SYNE2: variants seen among roughly 807,000 people sequenced by gnomAD.
SYNE2 encodes the protein nesprin-2.
A neutral mutation model predicts 856.3 loss-of-function variants in SYNE2; 431 were observed. The ratio of observed to expected loss-of-function variants is 0.50; its 90% CI spans 0.47 to 0.55. SYNE2 has a LOEUF of 0.55. Among genes scored for constraint, SYNE2 ranks in the 20% least tolerant of loss-of-function variants. The probability of loss-of-function intolerance (pLI) is 0.00; values close to 1 mark genes in which losing one functional copy is unlikely to be tolerated. For missense variants in SYNE2, 8,129 were observed against 8,023.2 expected (o/e 1.01, Z -0.50); for synonymous variants, 2,923 against 2,872.3 (o/e 1.02, Z -0.56).
chr14:64,195,960 G>A (rs745621393), intron 99 of SYNE2, among the ~76,000 whole-genome samples: 2 of 152,130 alleles, frequency 1.3e-5, no homozygotes, highest in African/African-American at 2.4e-5. Context: ...GCTGTTCCCA[G>A]ACCCTGCAGA....
Position 63,941,877 on chromosome 14 carries a change from TTTCACA to T in SYNE2, c.238-7_238-2del. 1 of 1,613,486 alleles carries T rather than the reference TTTCACA, an allele frequency of 6.2e-7. No homozygotes were observed. Among genetic ancestry groups the T allele is most frequent in the Non-Finnish European group, 8.5e-7 (1 of 1,179,832 alleles). ...TTTCTGAGTAATATATTTGCTTGAA[TTTCACA>T]GCCTCGGGATAAAGGATCTAATACC... On this transcript the variant is annotated splice_acceptor_variant and splice_polypyrimidine_tract_variant and intron_variant, in intron 4 of 115. Coordinates refer to ENST00000555002, the MANE Select transcript of SYNE2 (RefSeq NM_182914.3). LOFTEE classifies it high-confidence loss of function.
chr14:63,967,149 C>T (rs1168307991), intron 10 of SYNE2, among the ~76,000 whole-genome samples: 5 of 152,202 alleles, frequency 3.3e-5, no homozygotes, highest in Non-Finnish European at 5.9e-5. Context: ...CAGGCATGAG[C>T]CACCGCGCCT....
At chr14:63,976,191 CAG>C (rs2096541524) in intron 11 of SYNE2, among the ~76,000 whole-genome samples, 1 of 152,152 alleles carries the variant, frequency 6.6e-6, no homozygotes, top group African/African-American at 2.4e-5. Flanking sequence ...GATGTAGTGT[CAG>C]AGCACACAAG....
chr14:64,045,260 C>T (rs2097177573), intron 45 of SYNE2, among the ~76,000 whole-genome samples: 1 of 152,164 alleles, frequency 6.6e-6, no homozygotes, highest in Non-Finnish European at 1.5e-5. Context: ...TTTCTGACTA[C>T]TAAAGGCAGT....
intron 1 of SYNE2, among the ~76,000 whole-genome samples, chr14:63,762,808 A>C (rs560964626): frequency 6.6e-6 from 1 of 152,112 alleles, no homozygotes; most frequent in Non-Finnish European, 1.5e-5. Context: ...CCTGCAACTT[A>C]CTTTCAAATG....
At chr14:63,842,296 C>T (rs1437459316) in intron 1 of SYNE2, among the ~76,000 whole-genome samples, 6 of 151,900 alleles carry the variant, frequency 3.9e-5, no homozygotes, top group Non-Finnish European at 8.8e-5. Flanking sequence ...CCCAGACTCA[C>T]GAGTAGCTGG....
At chr14:64,172,275 T>G (rs977786626) in intron 94 of SYNE2, among the ~76,000 whole-genome samples, 2 of 152,198 alleles carry the variant, frequency 1.3e-5, no homozygotes, top group African/African-American at 2.4e-5. Flanking sequence ...CTCGTCATTC[T>G]TGGGGTTGAC....
intron 60 of SYNE2, among the ~76,000 whole-genome samples, chr14:64,093,112 G>A (rs2097643236): frequency 6.6e-6 from 1 of 152,166 alleles, no homozygotes; most frequent in South Asian, 2.1e-4. Context: ...TGTGTCCAGT[G>A]AGACTTGTAC....
intron 63 of SYNE2, among the ~76,000 whole-genome samples, chr14:64,101,403 G>A (rs942230306): frequency 3.3e-5 from 5 of 151,998 alleles, no homozygotes; most frequent in East Asian, 1.9e-4. Flanking sequence ...TCTTATACTC[G>A]TGGCTGTAAT....
chr14:63,941,354 T>G (rs3818774), intron 3 of SYNE2, among the ~76,000 whole-genome samples: 1 of 152,168 alleles, frequency 6.6e-6, no homozygotes, highest in South Asian at 2.1e-4. Flanking sequence ...GGTAAATACA[T>G]AAGCAGGTTA....
At chr14:64,182,470 G>A (rs1316446035) in intron 96 of SYNE2, among the ~76,000 whole-genome samples, 1 of 152,056 alleles carries the variant, frequency 6.6e-6, no homozygotes, top group Non-Finnish European at 1.5e-5. Flanking sequence ...GACAATAGTG[G>A]AGGGAAGGTC....
chr14:63,968,972 C>A (rs2096436085), intron 11 of SYNE2, among the ~76,000 whole-genome samples: 1 of 152,184 alleles, frequency 6.6e-6, no homozygotes, highest in Admixed American at 6.5e-5. Flanking sequence ...TAACCATCTC[C>A]ATTTCCCCTT....
chr14:63,958,859 T>A (rs1333912810), intron 8 of SYNE2, among the ~76,000 whole-genome samples: 1 of 152,252 alleles, frequency 6.6e-6, no homozygotes, highest in Non-Finnish European at 1.5e-5. Context: ...CAATACTACT[T>A]CGTTTATTTT....
In SYNE2 at chr14:64,048,044, T is replaced by C. The variant is rs747796543; in HGVS notation, c.7266T>C (p.Asn2422=). The change falls in exon 46 of 116, where the codon AAT becomes AAC. Residue 2422 remains asparagine, a synonymous_variant. Transcript: ENST00000555002. ...CTATGTCAAAACAACTTTCTCTTAA[T>C]GCTCAAGAAAGCATGAAAAACACTG... ...EMAMSKQLSL[N]AQESMKNTED... 77 of 1,613,726 alleles carry C rather than the reference T, an allele frequency of 4.8e-5. No individual in the cohort carries two copies. The highest frequency in any genetic ancestry group is 6.4e-5 in the Non-Finnish European group (76 of 1,179,872).
At chr14:64,155,604 G>A (rs1240001534) in intron 85 of SYNE2, among the ~76,000 whole-genome samples, 1 of 151,950 alleles carries the variant, frequency 6.6e-6, no homozygotes, top group Non-Finnish European at 1.5e-5. Flanking sequence ...GAAGGCGTGA[G>A]GCACAGATCA....
intron 48 of SYNE2, among the ~76,000 whole-genome samples, chr14:64,055,583 G>C (rs1343943102): frequency 1.3e-5 from 2 of 151,910 alleles, no homozygotes; most frequent in African/African-American, 4.8e-5. Context: ...TGGCCAGGCT[G>C]GTCTTGAACT....
intron 1 of SYNE2, among the ~76,000 whole-genome samples, chr14:63,882,320 C>T (rs1414419973): frequency 3.3e-5 from 5 of 152,014 alleles, no homozygotes; most frequent in East Asian, 1.9e-4. Flanking sequence ...GGTGTTAAGT[C>T]GCCAAAGAAA....
chr14:64,106,994 A>G (rs2097776021), intron 64 of SYNE2, among the ~76,000 whole-genome samples: 1 of 152,148 alleles, frequency 6.6e-6, no homozygotes, highest in South Asian at 2.1e-4. Context: ...CCACTCTTTG[A>G]AATGTGGCCT....
At chr14:64,007,335 C>T (rs2096804434) in intron 31 of SYNE2, 113 bp downstream of exon 31, 1 of 995,672 alleles carries the variant, frequency 1.0e-6, no homozygotes, top group Non-Finnish European at 1.6e-6. Flanking sequence ...GAGGGACAAA[C>T]ATAAGGATTT....
Sources: gnomAD v4.1 joint callset for allele counts (sites outside exome capture counted in the v4.1 genomes callset) on GRCh38, gnomAD v4.1.1 for gene constraint, MANE v1.5 for transcripts, NCBI Gene and HGNC (gene_info 2026-07-23, HGNC 2026-07-21) for gene names.